APBB2: variants seen among roughly 807,000 people sequenced by gnomAD.
APBB2 encodes amyloid beta precursor protein binding family B member 2.
In APBB2, 38 loss-of-function variants were observed where a neutral mutation model predicts 82.5. The ratio of observed to expected loss-of-function variants is 0.46; its 90% CI spans 0.36 to 0.60. The LOEUF is 0.60. Ranked by LOEUF, APBB2 falls within the 20% of genes least tolerant of loss-of-function variation. APBB2 has a pLI of 0.00. For synonymous variants in APBB2, 341 were observed against 368.2 expected, an observed-to-expected ratio of 0.93 and a Z score of 0.85; for missense variants, 772 against 972.3, an observed-to-expected ratio of 0.79 and a Z score of 2.74.
chr4:41,143,486 C>T (rs1322134360), intron 1 of APBB2, among the ~76,000 whole-genome samples: 1 of 152,222 alleles, frequency 6.6e-6, no homozygotes, highest in Non-Finnish European at 1.5e-5. Context: ...CAGGAATGTT[C>T]TGGCAGGGCT....
intron 1 of APBB2, among the ~76,000 whole-genome samples, chr4:41,198,672 C>G: frequency 6.6e-6 from 1 of 152,150 alleles, no homozygotes; most frequent in Non-Finnish European, 1.5e-5. Flanking sequence ...TAAGAAACTG[C>G]TATAAACTGG....
chr4:41,093,459 TC>T (rs201865406), intron 3 of APBB2, among the ~76,000 whole-genome samples: 17 of 152,168 alleles, frequency 1.1e-4, no homozygotes, highest in South Asian at 4.2e-4. Flanking sequence ...ATTTTTTTTT[TC>T]CCTAAGTTCC....
At chr4:40,915,644 C>A (rs765390915) in intron 10 of APBB2, among the ~76,000 whole-genome samples, 13 of 152,174 alleles carry the variant, frequency 8.5e-5, no homozygotes, top group Non-Finnish European at 1.8e-4. Context: ...GAAATGAACT[C>A]AGTGAGTTCA....
At chr4:41,201,569 A>T (rs1776702679) in intron 1 of APBB2, among the ~76,000 whole-genome samples, 1 of 152,240 alleles carries the variant, frequency 6.6e-6, no homozygotes, top group Admixed American at 6.5e-5. Context: ...TATTTTACAG[A>T]TGGGAAAAGC....
In APBB2 at chr4:40,999,160, A is replaced by G. The variant is rs150123524; in HGVS notation, c.835+14423T>C. Among the ~76,000 whole-genome samples the G allele has an allele frequency of 2.8e-4, 42 of 152,302 alleles. 1 individual carries two copies. Among genetic ancestry groups the G allele is most frequent in the African/African-American group, 9.9e-4 (41 of 41,554 alleles). ...GGAGCCAGGTATCCTGAGATACAGT[A>G]TCCTACTACTCTGCATCACACCTGT... On this transcript the variant is annotated intron_variant, in intron 6 of 17. Transcript: ENST00000508593.
chr4:40,933,384 CCCCACAATCTCAA>C, intron 10 of APBB2, among the ~76,000 whole-genome samples: 1 of 152,094 alleles, frequency 6.6e-6, no homozygotes. Flanking sequence ...CTTCCCATGG[CCCCACAATCTCAA>C]CCCACAGCAG....
intron 1 of APBB2, among the ~76,000 whole-genome samples, chr4:41,144,981 A>C (rs1760303676): frequency 1.3e-5 from 2 of 152,186 alleles, no homozygotes; most frequent in African/African-American, 4.8e-5. Context: ...TTAGCCGGGC[A>C]TGTTGGGACA....
chr4:40,941,808 T>C (rs1787003232), intron 7 of APBB2, among the ~76,000 whole-genome samples: 1 of 150,424 alleles, frequency 6.6e-6, no homozygotes, highest in African/African-American at 2.4e-5. Context: ...TTTAAAATCT[T>C]TTTTTTTTTG....
chr4:41,135,932 A>G (rs922213343), intron 2 of APBB2, among the ~76,000 whole-genome samples: 3 of 152,116 alleles, frequency 2.0e-5, no homozygotes, highest in African/African-American at 7.2e-5. Flanking sequence ...CAGCCTCCTG[A>G]ATAGCTGGGA....
chr4:40,822,276 G>C (rs1311757686), intron 16 of APBB2: 1 of 529,594 alleles, frequency 1.9e-6, no homozygotes, highest in Non-Finnish European at 3.4e-6. Context: ...GCTGTCATGG[G>C]GTGTGATGTG....
At chr4:40,992,165 CTTTT>C (rs1048924141) in intron 6 of APBB2, among the ~76,000 whole-genome samples, 5 of 122,884 alleles carry the variant, frequency 4.1e-5, no homozygotes, top group Non-Finnish European at 7.3e-5. Context: ...ATGCAGCTGC[CTTTT>C]TTGTTTGTTG....
chr4:41,039,052 C>T (rs1242851241), intron 4 of APBB2, among the ~76,000 whole-genome samples: 1 of 152,158 alleles, frequency 6.6e-6, no homozygotes, highest in East Asian at 1.9e-4. Flanking sequence ...GTTAAATACA[C>T]TTGTTTTTAA....
At chr4:40,982,398 AAG>A (rs1799209803) in intron 6 of APBB2, among the ~76,000 whole-genome samples, 6 of 49,648 alleles carry the variant, frequency 1.2e-4, no homozygotes, top group East Asian at 5.7e-4. Flanking sequence ...AAGGAAAGGA[AAG>A]GAAAGAAAGA....
chr4:41,082,949 G>C (rs1738199203), intron 3 of APBB2, among the ~76,000 whole-genome samples: 1 of 152,048 alleles, frequency 6.6e-6, no homozygotes, highest in South Asian at 2.1e-4. Flanking sequence ...GATCACTTGA[G>C]GTCAGGAGAT....
At chr4:40,958,417 T>G (rs978984143) in intron 6 of APBB2, among the ~76,000 whole-genome samples, 1 of 152,168 alleles carries the variant, frequency 6.6e-6, no homozygotes, top group Non-Finnish European at 1.5e-5. Context: ...AGATTTGTAT[T>G]TTACTTTAAG....
chr4:40,829,756 G>A (rs1421566525), intron 13 of APBB2, among the ~76,000 whole-genome samples: 2 of 152,090 alleles, frequency 1.3e-5, no homozygotes, highest in African/African-American at 4.8e-5. Context: ...GGCTGGTGAC[G>A]CCAGACTGTT....
chr4:41,172,483 T>A (rs1000149697), intron 1 of APBB2, among the ~76,000 whole-genome samples: 34 of 152,228 alleles, frequency 2.2e-4, no homozygotes, highest in African/African-American at 8.2e-4. Context: ...CTATAATTAC[T>A]CTTCATAGAA....
intron 6 of APBB2, among the ~76,000 whole-genome samples, chr4:40,980,681 A>C (rs191690275): frequency 6.6e-6 from 1 of 152,338 alleles, no homozygotes; most frequent in Admixed American, 6.5e-5. Context: ...GTGCAATCTA[A>C]TGAATTGTGC....
In APBB2 at chr4:40,852,614, C is replaced by A. The variant is rs1162398603; in HGVS notation, c.1530-22037G>T. 5.9e-5 allele frequency among the ~76,000 whole-genome samples: 9 copies of A among 151,956 alleles called. No individual in the cohort carries two copies. The East Asian group carries it at 1.7e-3, about 29-fold the overall frequency. The stretch of plus-strand genomic sequence containing the variant: ...GGATGGATACGTCTGCTCATCTACA[C>A]TGGAGAACCAAAGAAAAGAAAGTCA... On this transcript the variant is annotated intron_variant, in intron 12 of 17. Transcript: ENST00000508593.
Sources: allele counts gnomAD v4.1 joint callset (sites outside exome capture counted in the v4.1 genomes callset), GRCh38; gene constraint gnomAD v4.1.1; transcripts MANE v1.5; gene names NCBI Gene and HGNC (gene_info 2026-07-23, HGNC 2026-07-21).